The following ERBB4 variants were observed in gnomAD, a reference collection of about 807,000 sequenced individuals.
The protein encoded by ERBB4 is erb-b2 receptor tyrosine kinase 4.
A neutral mutation model predicts 158.0 loss-of-function variants in ERBB4; 42 were observed. The ratio of observed to expected loss-of-function variants is 0.27; its 90% CI spans 0.21 to 0.34. The LOEUF (loss-of-function observed/expected upper bound fraction) is 0.34. Ranked by LOEUF, ERBB4 falls within the 10% of genes least tolerant of loss-of-function variation. The pLI is 1.00. For synonymous variants in ERBB4, 583 were observed against 558.7 expected, an observed-to-expected ratio of 1.04 and a Z score of -0.61; for missense variants, 1,333 against 1,624.1, an observed-to-expected ratio of 0.82 and a Z score of 3.08.
Position 211,665,329 on chromosome 2 carries a change from G to C in ERBB4, c.1865C>G (p.Thr622Ser), listed in dbSNP as rs1400310064. 6.2e-7 allele frequency: 1 copy of C among 1,614,058 alleles called. No individual in the cohort carries two copies. Among genetic ancestry groups the C allele is most frequent in the South Asian group, 1.1e-5 (1 of 91,082 alleles). The part of the protein sequence containing the change: ...RECHPCHPNC[T>S]QGCNGPTSHD... ...GGCCAGCAAGAATGCTTACCCTTGG[G>C]TGCAGTTTGGATGGCATGGGTGGCA... The change falls in exon 15 of 28, where the codon ACC becomes AGC. Residue 622 changes from threonine to serine, a missense_variant. By Grantham distance (58) the Thr-to-Ser change is moderately conservative. Around this residue, in one of 5 missense-constraint regions of ERBB4, gnomAD observed 245 missense variants for 247.5 expected, o/e 0.99. Transcript: ENST00000342788.
intron 1 of ERBB4, among the ~76,000 whole-genome samples, chr2:212,490,832 T>C (rs1690236824): frequency 6.6e-6 from 1 of 151,788 alleles, no homozygotes; most frequent in South Asian, 2.1e-4. Flanking sequence ...ACTTTAGCAG[T>C]GTTTAGTAAA....
intron 1 of ERBB4, among the ~76,000 whole-genome samples, chr2:212,483,675 C>A (rs1689825218): frequency 6.7e-6 from 1 of 149,236 alleles, no homozygotes; most frequent in South Asian, 2.1e-4. Context: ...TTTCAAGAAG[C>A]CTCACCCATT....
chr2:212,067,835 G>A (rs1283966062), intron 2 of ERBB4, among the ~76,000 whole-genome samples: 2 of 151,938 alleles, frequency 1.3e-5, no homozygotes, highest in Admixed American at 6.6e-5. Flanking sequence ...AGTTCCTGCG[G>A]GTAACTTGCA....
At chr2:212,141,518 A>AT (rs137926496) in intron 1 of ERBB4, among the ~76,000 whole-genome samples, 5 of 152,118 alleles carry the variant, frequency 3.3e-5, no homozygotes, top group African/African-American at 1.2e-4. Context: ...TTTAAGATAG[A>AT]TTTTTTTCTT....
chr2:212,243,009 C>A (rs141487082), intron 1 of ERBB4, among the ~76,000 whole-genome samples: 7 of 152,182 alleles, frequency 4.6e-5, no homozygotes, highest in Non-Finnish European at 8.8e-5. Context: ...AAATTTGCCA[C>A]CTCTCATTGT....
At chr2:211,688,195 C>T (rs1284628985) in intron 12 of ERBB4, among the ~76,000 whole-genome samples, 3 of 152,218 alleles carry the variant, frequency 2.0e-5, no homozygotes, top group Non-Finnish European at 4.4e-5. Flanking sequence ...TGGTGCTCCT[C>T]AGCCTATGTA....
At chr2:211,814,998 T>G (rs1011371219) in intron 3 of ERBB4, among the ~76,000 whole-genome samples, 2 of 152,188 alleles carry the variant, frequency 1.3e-5, no homozygotes, top group African/African-American at 4.8e-5. Context: ...GCTCAGTTGA[T>G]AGGTGTTTTT....
chr2:211,678,714 C>T (rs1032293699), intron 13 of ERBB4, among the ~76,000 whole-genome samples: 50 of 152,110 alleles, frequency 3.3e-4, no homozygotes, highest in African/African-American at 1.1e-3. Flanking sequence ...CGCCTGTAAT[C>T]CCAGCACTTT....
intron 25 of ERBB4, among the ~76,000 whole-genome samples, chr2:211,412,650 T>G (rs1361262898): frequency 1.3e-5 from 2 of 152,086 alleles, no homozygotes; most frequent in Non-Finnish European, 2.9e-5. Context: ...ATTTACTCTT[T>G]CATTATAAGA....
rs535866557 is a variant in ERBB4, at chr2:212,183,701, G to A, written c.83-58798C>T. Among the ~76,000 whole-genome samples the A allele has an allele frequency of 2.6e-5, 4 of 151,998 alleles. No individual in the cohort carries two copies. In the South Asian group the frequency reaches 8.3e-4, roughly 32 times the overall value. ...AAAAGTAGACTATACAAGATGTATA[G>A]TCCATTGTACTAACATGAAAGAACA... is the stretch of plus-strand genomic sequence containing the variant. On this transcript the variant is annotated intron_variant, in intron 1 of 27. Coordinates refer to ENST00000342788, the MANE Select transcript of ERBB4 (RefSeq NM_005235.3).
chr2:211,707,368 T>C (rs140507200), intron 9 of ERBB4, among the ~76,000 whole-genome samples: 60 of 152,276 alleles, frequency 3.9e-4, no homozygotes, highest in African/African-American at 1.4e-3. Flanking sequence ...ACAGTTAACT[T>C]CCCTAACTAA....
chr2:212,022,668 C>T (rs1405078450), intron 2 of ERBB4, among the ~76,000 whole-genome samples: 2 of 151,978 alleles, frequency 1.3e-5, no homozygotes, highest in Non-Finnish European at 2.9e-5. Flanking sequence ...ACATCCTGCA[C>T]GTGTACCCCA....
chr2:212,290,336 C>T (rs2086159493), intron 1 of ERBB4, among the ~76,000 whole-genome samples: 1 of 152,044 alleles, frequency 6.6e-6, no homozygotes, highest in Non-Finnish European at 1.5e-5. Flanking sequence ...TATGTATACA[C>T]ACAGTAGTAC....
At chr2:212,419,148 ACT>A (rs1266752669) in intron 1 of ERBB4, among the ~76,000 whole-genome samples, 1 of 151,044 alleles carries the variant, frequency 6.6e-6, no homozygotes, top group African/African-American at 2.4e-5. Flanking sequence ...TTCAAAATTC[ACT>A]CTGTTTCTAC....
chr2:212,209,778 C>T (rs1299240848), intron 1 of ERBB4, among the ~76,000 whole-genome samples: 3 of 151,858 alleles, frequency 2.0e-5, no homozygotes, highest in Admixed American at 1.3e-4. Flanking sequence ...AAAGTTTGCC[C>T]TACTAATTGC....
intron 3 of ERBB4, among the ~76,000 whole-genome samples, chr2:211,832,890 T>C (rs980837703): frequency 2.2e-5 from 2 of 92,878 alleles, no homozygotes; most frequent in African/African-American, 7.6e-5. Context: ...ATATATAGTT[T>C]ATATATATGT....
In ERBB4 at chr2:211,845,729, C is replaced by T. The variant is rs151057184; in HGVS notation, c.422-57570G>A. Among the ~76,000 whole-genome samples, 92 of 152,214 alleles carry T rather than the reference C, an allele frequency of 6.0e-4. 1 individual carries two copies. Among genetic ancestry groups the T allele is most frequent in the African/African-American group, 2.1e-3 (89 of 41,542 alleles). ...AGAAGACTCTGTATTTTATGTTTGGCTATTTGTTTAAAAGTTGAATGTTGT... is the reference window on the plus strand; with the variant it reads ...AGAAGACTCTGTATTTTATGTTTGGTTATTTGTTTAAAAGTTGAATGTTGT... On this transcript the variant is annotated intron_variant, in intron 3 of 27. Coordinates refer to ENST00000342788, the MANE Select transcript of ERBB4 (RefSeq NM_005235.3).
At chr2:212,444,561 C>G (rs1269106085) in intron 1 of ERBB4, among the ~76,000 whole-genome samples, 1 of 152,166 alleles carries the variant, frequency 6.6e-6, no homozygotes, top group African/African-American at 2.4e-5. Flanking sequence ...GTGACCTCAG[C>G]AGAGGAGGAT....
At chr2:212,452,383 G>A (rs1202538823) in intron 1 of ERBB4, among the ~76,000 whole-genome samples, 2 of 126,574 alleles carry the variant, frequency 1.6e-5, no homozygotes, top group African/African-American at 5.5e-5. Flanking sequence ...TACAATTTTG[G>A]TCAGTTTACA....
Sources: allele counts gnomAD v4.1 joint callset (sites outside exome capture counted in the v4.1 genomes callset), GRCh38; gene constraint gnomAD v4.1.1; regional missense constraint gnomAD v4.1.1; transcripts MANE v1.5; gene names NCBI Gene and HGNC (gene_info 2026-07-23, HGNC 2026-07-21).